Variants in FER observed in about 807,000 individuals in gnomAD.
The protein encoded by FER is FER tyrosine kinase.
FER carries 63 observed loss-of-function variants against 111.0 expected under a neutral mutation model. That is an observed-to-expected ratio of 0.57 (90% CI 0.46 to 0.70). The LOEUF is 0.70. FER is among the 30% of genes least tolerant of loss of function. The pLI is 0.00. For missense variants in FER, 914 were observed against 954.0 expected (o/e 0.96, Z 0.55); for synonymous variants, 327 against 313.9 (o/e 1.04, Z -0.44).
At chr5:108,824,134 C>T (rs1759192150) in intron 3 of FER, among the ~76,000 whole-genome samples, 1 of 151,912 alleles carries the variant, frequency 6.6e-6, no homozygotes. Context: ...TTCCATTGGC[C>T]CATGTATCTG....
chr5:108,974,279 T>C (rs1345975220), intron 13 of FER, among the ~76,000 whole-genome samples: 2 of 152,066 alleles, frequency 1.3e-5, no homozygotes, highest in East Asian at 3.9e-4. Flanking sequence ...AATTTTATGG[T>C]ATTTTAGGGG....
intron 6 of FER, among the ~76,000 whole-genome samples, chr5:108,870,710 C>T (rs187412594): frequency 2.6e-5 from 4 of 152,158 alleles, no homozygotes; most frequent in African/African-American, 9.7e-5. Flanking sequence ...TCTGTCTACA[C>T]TTGCTGTTGA....
intron 3 of FER, among the ~76,000 whole-genome samples, chr5:108,808,971 A>G (rs2150071784): frequency 6.6e-6 from 1 of 152,204 alleles, no homozygotes; most frequent in African/African-American, 2.4e-5. Flanking sequence ...GGCCTGACAG[A>G]TTTCCCTTTG....
intron 17 of FER, among the ~76,000 whole-genome samples, chr5:109,134,705 C>T (rs892837826): frequency 6.6e-6 from 1 of 152,168 alleles, no homozygotes; most frequent in Non-Finnish European, 1.5e-5. Context: ...TATATAGTCT[C>T]TCTCCTGGAT....
chr5:108,981,155 T>C (rs1243715334), intron 13 of FER, among the ~76,000 whole-genome samples: 1 of 152,118 alleles, frequency 6.6e-6, no homozygotes, highest in African/African-American at 2.4e-5. Context: ...TGAAGTTTTT[T>C]TTTTAGTTCA....
intron 1 of FER, among the ~76,000 whole-genome samples, chr5:108,759,376 C>A (rs976807172): frequency 2.6e-5 from 4 of 152,228 alleles, no homozygotes; most frequent in Admixed American, 6.5e-5. Context: ...ATATTCTGTT[C>A]ATGGCAACAC....
intron 17 of FER, among the ~76,000 whole-genome samples, chr5:109,106,051 A>G (rs1748880566): frequency 6.6e-6 from 1 of 152,206 alleles, no homozygotes. Context: ...CAGGATGTGA[A>G]TCTCAGCACT....
chr5:109,179,421 C>A (rs1042586118), intron 17 of FER, among the ~76,000 whole-genome samples: 1 of 152,068 alleles, frequency 6.6e-6, no homozygotes, highest in Non-Finnish European at 1.5e-5. Flanking sequence ...AATATTTGTC[C>A]AATGCTTTTT....
chr5:108,801,851 T>C (rs940712439), intron 3 of FER, among the ~76,000 whole-genome samples: 9 of 152,230 alleles, frequency 5.9e-5, no homozygotes, highest in Non-Finnish European at 1.0e-4. Context: ...GGGGCTATTA[T>C]TAAGTTAAAT....
intron 17 of FER, among the ~76,000 whole-genome samples, chr5:109,171,455 G>A (rs1370501094): frequency 1.3e-5 from 2 of 152,162 alleles, no homozygotes; most frequent in South Asian, 2.1e-4. Flanking sequence ...ATGAAGTTGA[G>A]TATTGAAAGA....
Position 108,897,685 on chromosome 5 carries a change from A to G in FER, c.1073A>G (p.Gln358Arg). 1 of 1,600,334 alleles carries G rather than the reference A, an allele frequency of 6.2e-7. No individual in the cohort carries two copies. The highest frequency in any genetic ancestry group is 8.5e-7 in the Non-Finnish European group (1 of 1,175,374). ...SDIVLLLSQK[Q>R]ALEELKQSVQ... The stretch of plus-strand genomic sequence containing the variant: ...ATTGTGCTTCTGCTAAGCCAAAAAC[A>G]GGCACTTGAAGAACTGAAACAGTCA... The change falls in exon 10 of 20, where the codon CAG becomes CGG. Residue 358 changes from glutamine (Q) to arginine (R), a missense_variant. Around this residue, in one of 3 missense-constraint regions of FER, gnomAD observed 774 missense variants for 782.6 expected, o/e 0.99. Coordinates refer to ENST00000281092, the MANE Select transcript of FER (RefSeq NM_005246.4).
intron 13 of FER, among the ~76,000 whole-genome samples, chr5:109,027,098 T>A (rs1768859917): frequency 6.6e-6 from 1 of 151,986 alleles, no homozygotes; most frequent in Non-Finnish European, 1.5e-5. Flanking sequence ...GAGATAATAT[T>A]TTTTTTTAAT....
intron 13 of FER, among the ~76,000 whole-genome samples, chr5:108,985,787 A>G (rs1039167604): frequency 2.0e-5 from 3 of 152,184 alleles, no homozygotes; most frequent in Non-Finnish European, 4.4e-5. Flanking sequence ...TTATGGCTGA[A>G]TAGTGTTATA....
intron 13 of FER, among the ~76,000 whole-genome samples, chr5:109,029,320 A>C (rs985421113): frequency 6.8e-6 from 1 of 147,740 alleles, no homozygotes; most frequent in South Asian, 2.1e-4. Context: ...ATATGTATAC[A>C]TGTGCCATGC....
chr5:109,051,521 T>C (rs1385350842), intron 16 of FER: 6 of 1,597,926 alleles, frequency 3.8e-6, no homozygotes, highest in Admixed American at 1.7e-5. Context: ...TGTTCTGCAC[T>C]GTAATTAGCC....
At chr5:108,835,645 A>T in intron 4 of FER, 63 bp from the exon 5 acceptor site, 3 of 1,089,170 alleles carry the variant, frequency 2.8e-6, no homozygotes, top group Non-Finnish European at 4.0e-6. Flanking sequence ...TTTGGAATTT[A>T]AGTTCTTGAG....
chr5:109,073,793 A>C (rs1190073128), intron 16 of FER, among the ~76,000 whole-genome samples: 10 of 152,150 alleles, frequency 6.6e-5, no homozygotes, highest in Admixed American at 2.0e-4. Context: ...AAAAATCCAC[A>C]TATAAGTGGA....
At chr5:109,002,803 A>G (rs1433905689) in intron 13 of FER, among the ~76,000 whole-genome samples, 3 of 152,386 alleles carry the variant, frequency 2.0e-5, no homozygotes, top group South Asian at 4.1e-4. Flanking sequence ...AAGGGGGCGA[A>G]GGATATGAAC....
At chr5:109,116,156 C>A (rs1750204869) in intron 17 of FER, among the ~76,000 whole-genome samples, 1 of 151,946 alleles carries the variant, frequency 6.6e-6, no homozygotes, top group Admixed American at 6.6e-5. Flanking sequence ...CCCTTGGCCA[C>A]CTTGCTCTAA....
Sources: gnomAD v4.1 joint callset for allele counts (sites outside exome capture counted in the v4.1 genomes callset) on GRCh38, gnomAD v4.1.1 for gene constraint, gnomAD v4.1.1 regional missense constraint, MANE v1.5 for transcripts, NCBI Gene and HGNC (gene_info 2026-07-23, HGNC 2026-07-21) for gene names.